Variants in RBFOX1 observed in about 807,000 individuals in gnomAD.
The protein encoded by RBFOX1 is RNA binding protein fox-1 homolog 1.
In RBFOX1, 8 loss-of-function variants were observed where a neutral mutation model predicts 57.7. The observed-to-expected ratio is 0.14, with a 90% confidence interval of 0.08 to 0.25. RBFOX1 has a LOEUF of 0.25. Ranked by LOEUF, RBFOX1 falls within the 10% of genes least tolerant of loss-of-function variation. RBFOX1 has a pLI of 1.00. For missense variants in RBFOX1, 611 were observed against 548.5 expected (o/e 1.11, Z -1.14); for synonymous variants, 326 against 222.4 (o/e 1.47, Z -4.15).
At chr16:7,068,304 G>A (rs1284403638) in intron 4 of RBFOX1, among the ~76,000 whole-genome samples, 1 of 152,124 alleles carries the variant, frequency 6.6e-6, no homozygotes. Context: ...GATTCTCCAT[G>A]TGTATTCAAA....
At chr16:7,381,167 A>G (rs930660426) in intron 4 of RBFOX1, among the ~76,000 whole-genome samples, 2 of 152,194 alleles carry the variant, frequency 1.3e-5, no homozygotes, top group East Asian at 3.9e-4. Context: ...AACTTCTCCC[A>G]CGTTAAACTT....
intron 3 of RBFOX1, among the ~76,000 whole-genome samples, chr16:6,725,296 C>T (rs1011307354): frequency 6.6e-6 from 1 of 151,834 alleles, no homozygotes; most frequent in Non-Finnish European, 1.5e-5. Flanking sequence ...CGTGATCCAC[C>T]CACCTCGGCC....
At chr16:5,353,524 T>C (rs2065311174) in intron 1 of RBFOX1, among the ~76,000 whole-genome samples, 1 of 152,046 alleles carries the variant, frequency 6.6e-6, no homozygotes, top group African/African-American at 2.4e-5. Flanking sequence ...AAATGCAGGA[T>C]GGATTTATGT....
At chr16:5,632,978 A>T in intron 3 of RBFOX1, among the ~76,000 whole-genome samples, 1 of 130,822 alleles carries the variant, frequency 7.6e-6, no homozygotes, top group African/African-American at 3.0e-5. Context: ...TCACTCTGTC[A>T]CCTGGGCTGG....
intron 1 of RBFOX1, among the ~76,000 whole-genome samples, chr16:5,392,313 G>A (rs2066433842): frequency 6.6e-6 from 1 of 151,782 alleles, no homozygotes; most frequent in Non-Finnish European, 1.5e-5. Flanking sequence ...ATAAAATAAG[G>A]GCATAGTCAC....
At chr16:6,722,468 G>A (rs2066213365) in intron 3 of RBFOX1, among the ~76,000 whole-genome samples, 1 of 151,956 alleles carries the variant, frequency 6.6e-6, no homozygotes, top group Non-Finnish European at 1.5e-5. Context: ...CCTTTCTGAT[G>A]AAAGCGGCAT....
chr16:6,003,899 G>C (rs1295378152), intron 4 of RBFOX1, among the ~76,000 whole-genome samples: 1 of 152,224 alleles, frequency 6.6e-6, no homozygotes, highest in East Asian at 1.9e-4. Context: ...TTTATTAAGA[G>C]AGTCCACAAA....
At chr16:6,712,872 A>C (rs2063970395) in intron 3 of RBFOX1, among the ~76,000 whole-genome samples, 1 of 142,318 alleles carries the variant, frequency 7.0e-6, no homozygotes, top group African/African-American at 2.6e-5. Flanking sequence ...AGGTAATTGA[A>C]TCATGGGGGT....
chr16:6,759,494 TGTGTGTGTGTGTGTG>T, intron 3 of RBFOX1, among the ~76,000 whole-genome samples: 1 of 149,708 alleles, frequency 6.7e-6, no homozygotes, highest in South Asian at 2.1e-4. Flanking sequence ...TGTGTGTGTG[TGTGTGTGTGTGTGTG>T]TGTGTGTGTG....
At chr16:5,666,795 G>A (rs762315944) in intron 3 of RBFOX1, among the ~76,000 whole-genome samples, 4 of 152,214 alleles carry the variant, frequency 2.6e-5, no homozygotes, top group Non-Finnish European at 4.4e-5. Flanking sequence ...GAAGACATCA[G>A]GGTAGTAGAG....
At position 7,395,822 on chromosome 16, in the gene RBFOX1, G is replaced by A. The variant is rs371746728; in HGVS notation, c.28-122325G>A. On this transcript the variant is annotated intron_variant, in intron 4 of 15. Coordinates refer to ENST00000550418, the MANE Select transcript of RBFOX1 (RefSeq NM_018723.4). ...CAAAGACTAGATTTTTGTTTCCTGC[G>A]GGTGAAATTTTCCCGTCTCTTTGCC... 3.9e-5 allele frequency among the ~76,000 whole-genome samples: 6 copies of A among 152,260 alleles called. No individual in the cohort carries two copies. In the East Asian group the frequency reaches 9.7e-4, roughly 24 times the overall value.
intron 1 of RBFOX1, among the ~76,000 whole-genome samples, chr16:6,263,753 C>T (rs2097716005): frequency 6.6e-6 from 1 of 152,072 alleles, no homozygotes; most frequent in South Asian, 2.1e-4. Flanking sequence ...CTACAAAGCA[C>T]CCTGCCATGG....
intron 1 of RBFOX1, among the ~76,000 whole-genome samples, chr16:5,284,057 G>A (rs1567278056): frequency 6.6e-6 from 1 of 152,162 alleles, no homozygotes; most frequent in Non-Finnish European, 1.5e-5. Context: ...TCTCATGATA[G>A]TGAATAAGTC....
At chr16:5,421,125 G>C (rs1245593596) in intron 1 of RBFOX1, among the ~76,000 whole-genome samples, 1 of 151,660 alleles carries the variant, frequency 6.6e-6, no homozygotes, top group Non-Finnish European at 1.5e-5. Context: ...TCTCACCTTA[G>C]CCTCGAGAGT....
chr16:5,347,302 G>A (rs1230868149), intron 1 of RBFOX1, among the ~76,000 whole-genome samples: 1 of 152,170 alleles, frequency 6.6e-6, no homozygotes, highest in Non-Finnish European at 1.5e-5. Context: ...GCATGTAGAA[G>A]TGTGTCTTAC....
At chr16:7,507,343 C>T (rs1346374237) in intron 4 of RBFOX1, among the ~76,000 whole-genome samples, 3 of 151,546 alleles carry the variant, frequency 2.0e-5, no homozygotes, top group African/African-American at 4.9e-5. Flanking sequence ...TAGATTATTT[C>T]ATTTAAAGAA....
At chr16:6,501,298 AC>A (rs1316434740) in intron 2 of RBFOX1, among the ~76,000 whole-genome samples, 1 of 23,034 alleles carries the variant, frequency 4.3e-5, no homozygotes, top group Non-Finnish European at 8.2e-5. Context: ...CCCTCCCCCC[AC>A]CCCACAACAG....
At chr16:7,121,853 T>C (rs575908683) in intron 4 of RBFOX1, among the ~76,000 whole-genome samples, 1 of 152,024 alleles carries the variant, frequency 6.6e-6, no homozygotes, top group South Asian at 2.1e-4. Flanking sequence ...CTGGACAAAA[T>C]AGAGACTCCA....
chr16:7,360,273 T>C (rs1356119291), intron 4 of RBFOX1, among the ~76,000 whole-genome samples: 1 of 152,148 alleles, frequency 6.6e-6, no homozygotes, highest in East Asian at 1.9e-4. Flanking sequence ...CTAGAATTCT[T>C]AGAATAGACT....
Sources: gnomAD v4.1 joint callset for allele counts (sites outside exome capture counted in the v4.1 genomes callset) on GRCh38, gnomAD v4.1.1 for gene constraint, MANE v1.5 for transcripts, NCBI Gene and HGNC (gene_info 2026-07-23, HGNC 2026-07-21) for gene names.